The following SLAIN1 variants were observed in gnomAD, a reference collection of about 807,000 sequenced individuals.
The protein encoded by SLAIN1 is SLAIN family member 1.
In SLAIN1, 17 loss-of-function variants were observed where a neutral mutation model predicts 55.4. The observed-to-expected ratio is 0.31, with a 90% CI of 0.21 to 0.46. The LOEUF is 0.46. Among genes scored for constraint, SLAIN1 ranks in the 20% least tolerant of loss-of-function variants. The pLI is 1.00. For synonymous variants in SLAIN1, 348 were observed against 337.4 expected (o/e 1.03, Z -0.35); for missense variants, 682 against 785.1 (o/e 0.87, Z 1.57).
rs1188816427 is a variant in SLAIN1 at position 77,719,543 on chromosome 13, G to A, written c.638G>A (p.Gly213Asp). The A allele has an allele frequency of 3.1e-6, 5 of 1,611,926 alleles. No homozygotes were observed. Among genetic ancestry groups the A allele is most frequent in the Admixed American group, 1.7e-5 (1 of 59,856 alleles). Residue 213 changes from glycine to aspartate, a missense_variant, in exon 2 of 7, where the codon GGC becomes GAC. Physicochemically the swap from Gly to Asp is moderately conservative, Grantham distance 94. Around this residue, in one of 3 missense-constraint regions of SLAIN1, gnomAD observed 401 missense variants for 417.3 expected, o/e 0.96. Transcript: ENST00000418532. ...TTTCTTTTTTTAAGGTTATACATTG[G>A]CTCTTCAAAGACGTTCACCTCATCA... is the stretch of plus-strand genomic sequence containing the variant. ...DEDDYTWLYI[G>D]SSKTFTSSEK...
chr13:77,763,061 A>G, intron 6 of SLAIN1, 84 bp from the exon 7 acceptor site: 1 of 1,152,642 alleles, frequency 8.7e-7, no homozygotes. Context: ...GGAAGAACAT[A>G]GATGGGAGAG....
chr13:77,738,956 G>C (rs3911155), intron 2 of SLAIN1, among the ~76,000 whole-genome samples: 2 of 151,992 alleles, frequency 1.3e-5, no homozygotes, highest in African/African-American at 4.8e-5. Context: ...GTTTTCCACC[G>C]GTTAGTGTGC....
intron 2 of SLAIN1, among the ~76,000 whole-genome samples, chr13:77,743,632 T>C (rs1432681231): frequency 2.6e-5 from 4 of 152,012 alleles, no homozygotes; most frequent in Non-Finnish European, 4.4e-5. Flanking sequence ...TCCATTCCTA[T>C]AGCCTTCTTC....
intron 5 of SLAIN1, among the ~76,000 whole-genome samples, chr13:77,755,638 A>T (rs186627197): frequency 6.6e-6 from 1 of 152,342 alleles, no homozygotes; most frequent in African/African-American, 2.4e-5. Context: ...GTAATGGATT[A>T]TAACTGATGG....
At chr13:77,719,479 G>A in intron 1 of SLAIN1, 53 bp from the exon 2 acceptor site, 1 of 1,302,026 alleles carries the variant, frequency 7.7e-7, no homozygotes, top group Middle Eastern at 2.1e-4. Flanking sequence ...CCCAGAGAGA[G>A]GTACTCTCTG....
chr13:77,709,313 TG>T (rs2091122510), intron 1 of SLAIN1, among the ~76,000 whole-genome samples: 1 of 152,024 alleles, frequency 6.6e-6, no homozygotes, highest in African/African-American at 2.4e-5. Flanking sequence ...ACTGGGAGAA[TG>T]GAACCAAGTT....
chr13:77,749,757 C>T (rs1219093342), intron 4 of SLAIN1, among the ~76,000 whole-genome samples: 1 of 152,160 alleles, frequency 6.6e-6, no homozygotes, highest in Non-Finnish European at 1.5e-5. Flanking sequence ...AAATGTACCT[C>T]ATTTCCAGAT....
chr13:77,753,421 A>G lies in SLAIN1; in HGVS notation c.1414+63A>G. 3.2e-6 allele frequency: 3 copies of G among 938,666 alleles called. No homozygotes were observed. In the South Asian group the frequency reaches 1.4e-4, roughly 45 times the overall value. The allele number at this position is 938,666 out of a possible 1,614,324, so 58.1% of individuals were successfully genotyped here. On this transcript the variant is annotated intron_variant, in intron 5 of 6. Transcript: ENST00000418532. ...ATTGTATAATTTTTTATAATTTTTA[A>G]TTGTAAGGAAAATGTCTGTTTTATT...
intron 4 of SLAIN1, among the ~76,000 whole-genome samples, chr13:77,747,961 T>C (rs1873950192): frequency 6.6e-6 from 1 of 152,142 alleles, no homozygotes; most frequent in Non-Finnish European, 1.5e-5. Flanking sequence ...ATAAATTCTA[T>C]ATATTATGGA....
At chr13:77,744,140 TTGACC>T in intron 2 of SLAIN1, 138 bp from the exon 3 acceptor site, 1 of 696,460 alleles carries the variant, frequency 1.4e-6, no homozygotes, top group Non-Finnish European at 2.6e-6. Context: ...GATGTGCACG[TTGACC>T]ATTAAATGGT....
chr13:77,725,612 G>T (rs2091300518), intron 2 of SLAIN1, among the ~76,000 whole-genome samples: 2 of 152,164 alleles, frequency 1.3e-5, no homozygotes, highest in African/African-American at 2.4e-5. Context: ...GTTTTGAAAA[G>T]AAAATTCTTC....
intron 2 of SLAIN1, chr13:77,743,395 A>G (rs775262030): frequency 1.4e-5 from 3 of 207,946 alleles, no homozygotes; most frequent in African/African-American, 4.7e-5. Context: ...TAGCAAAAGT[A>G]TATGCATGCA....
chr13:77,748,671 T>C (rs1376910914), intron 4 of SLAIN1, among the ~76,000 whole-genome samples: 3 of 152,134 alleles, frequency 2.0e-5, no homozygotes, highest in African/African-American at 7.2e-5. Flanking sequence ...AGTTTTATTT[T>C]GCCTAAAATG....
At chr13:77,744,618 C>A (rs1019916506) in intron 3 of SLAIN1, 186 bp downstream of exon 3, 2 of 793,174 alleles carry the variant, frequency 2.5e-6, no homozygotes, top group Non-Finnish European at 4.0e-6. Flanking sequence ...AGGACTTAGT[C>A]TGATGAAAAC....
At chr13:77,703,763 G>A (rs924899227) in intron 1 of SLAIN1, among the ~76,000 whole-genome samples, 2 of 151,466 alleles carry the variant, frequency 1.3e-5, no homozygotes, top group African/African-American at 2.4e-5. Flanking sequence ...TTCGTTGATC[G>A]TGCTTATTAG....
At chr13:77,732,623 T>C (rs1337663101) in intron 2 of SLAIN1, among the ~76,000 whole-genome samples, 1 of 152,172 alleles carries the variant, frequency 6.6e-6, no homozygotes, top group Non-Finnish European at 1.5e-5. Flanking sequence ...AAATGGCTTC[T>C]ATAAAAGGGA....
chr13:77,716,244 A>AT (rs200036275), intron 1 of SLAIN1, among the ~76,000 whole-genome samples: 2,632 of 146,232 alleles, frequency 0.018, 73 homozygotes, highest in African/African-American at 0.062. Flanking sequence ...TTTCTGGGCT[A>AT]TTTTTTTCCA....
intron 3 of SLAIN1, among the ~76,000 whole-genome samples, chr13:77,744,915 C>A (rs1280096805): frequency 6.6e-6 from 1 of 151,982 alleles, no homozygotes; most frequent in Non-Finnish European, 1.5e-5. Flanking sequence ...GAGGAACAAA[C>A]TACTGATATA....
chr13:77,706,263 GT>G (rs1310250866), intron 1 of SLAIN1, among the ~76,000 whole-genome samples: 1 of 151,746 alleles, frequency 6.6e-6, no homozygotes, highest in Non-Finnish European at 1.5e-5. Context: ...GGTTTTTATG[GT>G]TTTTCTTTTA....
Sources: gnomAD v4.1 joint callset for allele counts (sites outside exome capture counted in the v4.1 genomes callset) on GRCh38, gnomAD v4.1.1 for gene constraint, gnomAD v4.1.1 regional missense constraint, MANE v1.5 for transcripts, NCBI Gene and HGNC (gene_info 2026-07-23, HGNC 2026-07-21) for gene names.